Variants in RIMBP2 observed in about 807,000 individuals in gnomAD.
The protein encoded by RIMBP2 is RIMS-binding protein 2.
A neutral mutation model predicts 118.6 loss-of-function variants in RIMBP2; 48 were observed. That is an observed-to-expected ratio of 0.40 (90% CI 0.32 to 0.51). The LOEUF is 0.51. Ranked by LOEUF, RIMBP2 falls within the 20% of genes least tolerant of loss-of-function variation. The pLI, the probability that RIMBP2 is intolerant of heterozygous loss-of-function variation, is 0.41. For missense variants in RIMBP2, 1,551 were observed against 1,768.3 expected (o/e 0.88, Z 2.20); for synonymous variants, 762 against 742.9 (o/e 1.03, Z -0.42).
intron 1 of RIMBP2, among the ~76,000 whole-genome samples, chr12:130,701,165 G>A (rs966241064): frequency 1.3e-5 from 2 of 152,172 alleles, no homozygotes; most frequent in Non-Finnish European, 2.9e-5. Context: ...TGTAGACAGG[G>A]AGCCACTCTG....
At chr12:130,590,378 G>C (rs184434838) in intron 2 of RIMBP2, among the ~76,000 whole-genome samples, 21 of 152,240 alleles carry the variant, frequency 1.4e-4, no homozygotes, top group Admixed American at 1.4e-3. Context: ...AGCACAAAGA[G>C]GCCAGCGGTC....
At chr12:130,613,675 G>A (rs1414212765) in intron 2 of RIMBP2, among the ~76,000 whole-genome samples, 1 of 152,074 alleles carries the variant, frequency 6.6e-6, no homozygotes, top group African/African-American at 2.4e-5. Context: ...TTAGCTGGGT[G>A]TGGTGGCGGG....
At chr12:130,640,119 G>T (rs893613215) in intron 1 of RIMBP2, among the ~76,000 whole-genome samples, 1 of 152,092 alleles carries the variant, frequency 6.6e-6, no homozygotes, top group African/African-American at 2.4e-5. Flanking sequence ...TGTTATTCTC[G>T]ATCACAGACA....
At chr12:130,520,672 C>CAAAAAAA (rs1162018669) in intron 2 of RIMBP2, among the ~76,000 whole-genome samples, 4 of 68,816 alleles carry the variant, frequency 5.8e-5, no homozygotes, top group African/African-American at 1.6e-4. Context: ...AACTCCATCT[C>CAAAAAAA]AAAAAAAAAA....
At chr12:130,658,521 G>A (rs1446683856) in intron 1 of RIMBP2, 1 of 152,222 alleles carries the variant, frequency 6.6e-6, no homozygotes, top group African/African-American at 2.4e-5. Flanking sequence ...AAGGAGACCA[G>A]GAGCATCATA....
intron 10 of RIMBP2, among the ~76,000 whole-genome samples, chr12:130,444,649 G>C (rs1014859783): frequency 3.9e-5 from 6 of 152,214 alleles, no homozygotes; most frequent in Admixed American, 3.3e-4. Context: ...AGGAGACCTC[G>C]AGGGAATGAG....
At chr12:130,570,093 T>C (rs2057513971) in intron 2 of RIMBP2, among the ~76,000 whole-genome samples, 1 of 152,106 alleles carries the variant, frequency 6.6e-6, no homozygotes, top group Admixed American at 6.5e-5. Flanking sequence ...GACAGGAAGA[T>C]CCACTCTCTT....
At chr12:130,692,847 GGGA>G in intron 1 of RIMBP2, among the ~76,000 whole-genome samples, 1 of 104,740 alleles carries the variant, frequency 9.5e-6, no homozygotes, top group Non-Finnish European at 2.0e-5. Context: ...GGGATGGGAT[GGGA>G]TAGGGTAGGG....
intron 1 of RIMBP2, among the ~76,000 whole-genome samples, chr12:130,681,818 C>T (rs939696259): frequency 6.6e-6 from 1 of 152,144 alleles, no homozygotes; most frequent in African/African-American, 2.4e-5. Context: ...CCGCAGCCTC[C>T]CAAGCAGCTG....
At chr12:130,612,760 C>T (rs965421204) in intron 2 of RIMBP2, among the ~76,000 whole-genome samples, 1 of 152,154 alleles carries the variant, frequency 6.6e-6, no homozygotes, top group African/African-American at 2.4e-5. Context: ...CGCAGGCCCC[C>T]CTGGATGCAG....
In RIMBP2 at chr12:130,438,532, A is replaced by G. The variant is rs1350308987; in HGVS notation, c.1505-16T>C. 5.7e-6 allele frequency: 9 copies of G among 1,567,516 alleles called. No homozygotes were observed. The highest frequency in any genetic ancestry group is 6.9e-6 in the Non-Finnish European group (8 of 1,155,220). On this transcript the variant is annotated splice_polypyrimidine_tract_variant and intron_variant, in intron 11 of 22. Transcript: ENST00000690449. ...GCTGGGGGTCCTGGGAGGGGACAGA[A>G]GGGAACGGAGGCGTTCAGGGACCAG...
intron 20 of RIMBP2, among the ~76,000 whole-genome samples, chr12:130,406,703 G>A (rs892149071): frequency 6.6e-6 from 1 of 152,112 alleles, no homozygotes; most frequent in Non-Finnish European, 1.5e-5. Context: ...CTGGAGTGCA[G>A]CAGTGCAACC....
chr12:130,529,929 C>T (rs906416534), intron 2 of RIMBP2, among the ~76,000 whole-genome samples: 4 of 152,184 alleles, frequency 2.6e-5, no homozygotes, highest in Non-Finnish European at 5.9e-5. Flanking sequence ...TGCTTATTCG[C>T]CTGCTGTTCA....
At chr12:130,687,812 C>A (rs1214066006) in intron 1 of RIMBP2, among the ~76,000 whole-genome samples, 1 of 152,118 alleles carries the variant, frequency 6.6e-6, no homozygotes, top group Admixed American at 6.5e-5. Context: ...ATTTTTAATT[C>A]ATTGATTTGC....
intron 2 of RIMBP2, among the ~76,000 whole-genome samples, chr12:130,554,801 A>G (rs992806123): frequency 6.6e-6 from 1 of 152,214 alleles, no homozygotes; most frequent in South Asian, 2.1e-4. Context: ...CAAATATTTG[A>G]ATTCACTTAT....
intron 1 of RIMBP2, among the ~76,000 whole-genome samples, chr12:130,643,113 C>G (rs1339202117): frequency 6.6e-6 from 1 of 152,222 alleles, no homozygotes; most frequent in Non-Finnish European, 1.5e-5. Context: ...ACGAAGTCCC[C>G]GCAACAGCCA....
intron 2 of RIMBP2, among the ~76,000 whole-genome samples, chr12:130,587,879 C>A (rs1307050101): frequency 6.6e-6 from 1 of 151,468 alleles, no homozygotes; most frequent in Non-Finnish European, 1.5e-5. Flanking sequence ...CGGTGTCCTC[C>A]AACTTCCCCT....
At chr12:130,539,250 A>T (rs2054346702) in intron 2 of RIMBP2, among the ~76,000 whole-genome samples, 1 of 152,264 alleles carries the variant, frequency 6.6e-6, no homozygotes, top group Non-Finnish European at 1.5e-5. Context: ...ATTATATAAC[A>T]GTGTCAGTGA....
At chr12:130,698,376 C>CTCCT (rs2065676491) in intron 1 of RIMBP2, among the ~76,000 whole-genome samples, 1 of 152,214 alleles carries the variant, frequency 6.6e-6, no homozygotes, top group Admixed American at 6.5e-5. Context: ...TCTCCTCCTG[C>CTCCT]TCCTTCACAT....
Sources: gnomAD v4.1 joint callset for allele counts (sites outside exome capture counted in the v4.1 genomes callset) on GRCh38, gnomAD v4.1.1 for gene constraint, MANE v1.5 for transcripts, NCBI Gene and HGNC (gene_info 2026-07-23, HGNC 2026-07-21) for gene names.